MYO5B: variants seen among roughly 807,000 people sequenced by gnomAD.
The protein encoded by MYO5B is myosin VB.
MYO5B carries 143 observed loss-of-function variants against 229.3 expected under a neutral mutation model. The ratio of observed to expected loss-of-function variants is 0.62; its 90% confidence interval spans 0.54 to 0.72. The LOEUF (loss-of-function observed/expected upper bound fraction) is 0.72, where lower values mean the gene tolerates loss of function less well. MYO5B is among the 30% of genes least tolerant of loss of function. The probability of loss-of-function intolerance (pLI) is 0.00; values close to 1 mark genes in which losing one functional copy is unlikely to be tolerated. For missense variants in MYO5B, 2,321 were observed against 2,331.0 expected, an observed-to-expected ratio of 1.00 and a Z score of 0.09; for synonymous variants, 918 against 885.2, an observed-to-expected ratio of 1.04 and a Z score of -0.66.
chr18:49,960,640 C>T (rs1379098603), intron 12 of MYO5B, among the ~76,000 whole-genome samples: 7 of 152,162 alleles, frequency 4.6e-5, no homozygotes, highest in African/African-American at 1.2e-4. Flanking sequence ...AACAATTAAA[C>T]CTGTTACAAA....
chr18:49,897,644 T>C (rs1403463774), intron 21 of MYO5B, among the ~76,000 whole-genome samples: 1 of 152,220 alleles, frequency 6.6e-6, no homozygotes, highest in Non-Finnish European at 1.5e-5. Context: ...TTGTACATGT[T>C]TGTGTTTTAA....
chr18:49,839,768 G>A, intron 35 of MYO5B: 1 of 221,028 alleles, frequency 4.5e-6, no homozygotes, highest in East Asian at 1.0e-4. Context: ...ATTAATAGAT[G>A]AACTAAAGTG....
intron 1 of MYO5B, among the ~76,000 whole-genome samples, chr18:50,106,289 ACATCAACG>A (rs1230171968): frequency 1.3e-5 from 2 of 152,162 alleles, no homozygotes; most frequent in African/African-American, 4.8e-5. Context: ...GTATGACCCC[ACATCAACG>A]CATTCTCCTT....
chr18:50,192,878 G>T (rs1377312250), intron 1 of MYO5B, among the ~76,000 whole-genome samples: 2 of 152,186 alleles, frequency 1.3e-5, no homozygotes, highest in African/African-American at 4.8e-5. Context: ...AAACTGTGTT[G>T]AGAAATAAAG....
At chr18:49,953,702 A>G (rs1031689067) in intron 13 of MYO5B, among the ~76,000 whole-genome samples, 3 of 152,212 alleles carry the variant, frequency 2.0e-5, no homozygotes, top group Non-Finnish European at 4.4e-5. Flanking sequence ...GAGCTAGTGC[A>G]TAGCAAACAG....
At chr18:50,105,743 A>T (rs1325081164) in intron 1 of MYO5B, among the ~76,000 whole-genome samples, 4 of 152,134 alleles carry the variant, frequency 2.6e-5, no homozygotes, top group Non-Finnish European at 5.9e-5. Context: ...CTGCTCTAGA[A>T]CATCAAAGCA....
At chr18:49,861,934 G>T (rs186466115) in intron 29 of MYO5B, among the ~76,000 whole-genome samples, 4 of 151,474 alleles carry the variant, frequency 2.6e-5, no homozygotes, top group Non-Finnish European at 5.9e-5. Context: ...ACAAATACTT[G>T]ATCAACATTC....
intron 32 of MYO5B, 27 bp from the exon 33 acceptor site, chr18:49,847,316 T>C (rs775126245): frequency 1.9e-6 from 3 of 1,609,858 alleles, no homozygotes; most frequent in Admixed American, 1.7e-5. Context: ...ACAGGAAGCA[T>C]GGATGAGACT....
chr18:50,180,411 C>G (rs1419309570), intron 1 of MYO5B, among the ~76,000 whole-genome samples: 3 of 152,170 alleles, frequency 2.0e-5, no homozygotes, highest in African/African-American at 7.2e-5. Flanking sequence ...GAGGTTATGC[C>G]TAAGATTACA....
intron 27 of MYO5B, among the ~76,000 whole-genome samples, chr18:49,867,118 C>T (rs1009383982): frequency 6.6e-6 from 1 of 152,282 alleles, no homozygotes; most frequent in African/African-American, 2.4e-5. Context: ...CATCGCAGAG[C>T]TTCAGAAGGG....
chr18:50,072,379 T>A (rs1004045769), intron 1 of MYO5B, among the ~76,000 whole-genome samples: 2 of 152,196 alleles, frequency 1.3e-5, no homozygotes, highest in African/African-American at 4.8e-5. Flanking sequence ...GCCCCATTTA[T>A]GTGGGAGAGA....
At chr18:49,904,850 G>T (rs750228035) in intron 19 of MYO5B, 22 bp from the exon 20 acceptor site, 2 of 1,612,276 alleles carry the variant, frequency 1.2e-6, no homozygotes, top group South Asian at 2.2e-5. Context: ...GAGGAAACAG[G>T]CAGTGTCAGG....
rs567083385 is a variant in MYO5B, at chr18:50,001,334, C to T, written c.533G>A (p.Arg178His). Residue 178 changes from arginine to histidine, a missense_variant, in exon 5 of 40, where the codon CGC becomes CAC. By Grantham distance (29) the Arg-to-His change is conservative. This residue lies in a region of MYO5B where 2,113 missense variants were observed against 2,044.7 expected (regional missense o/e 1.03). Coordinates refer to ENST00000285039, the MANE Select transcript of MYO5B (RefSeq NM_001080467.3). ...GKTVSAKYAM[R>H]YFATVGGSAS... ...CGAGCCACCAACGGTGGCGAAATAG[C>T]GCATGGCATACTTGGCTGATACCGT... 29 of 1,614,176 alleles carry T rather than the reference C, an allele frequency of 1.8e-5. No homozygotes were observed. The East Asian group carries it at 4.2e-4, about 24-fold the overall frequency.
chr18:49,959,487 G>A (rs534490259), intron 12 of MYO5B, among the ~76,000 whole-genome samples: 1 of 152,324 alleles, frequency 6.6e-6, no homozygotes, highest in Admixed American at 6.5e-5. Context: ...ACAGCAGGCT[G>A]GGCCAGGTGA....
chr18:49,990,566 C>A (rs7234247), intron 6 of MYO5B, 46 bp from the exon 7 acceptor site: 9 of 1,504,616 alleles, frequency 6.0e-6, no homozygotes, highest in Middle Eastern at 1.7e-4. Flanking sequence ...TGACCTCTAA[C>A]ATCGTTCCCT....
intron 1 of MYO5B, among the ~76,000 whole-genome samples, chr18:50,081,100 C>T (rs2031209622): frequency 6.6e-6 from 1 of 152,198 alleles, no homozygotes; most frequent in Admixed American, 6.5e-5. Context: ...AAAGCATCTG[C>T]TCTGTTTTCT....
chr18:49,999,369 C>T (rs2026022108), intron 5 of MYO5B, among the ~76,000 whole-genome samples: 1 of 152,246 alleles, frequency 6.6e-6, no homozygotes, highest in Non-Finnish European at 1.5e-5. Context: ...GCCAAGGCCA[C>T]AGTCCACAAA....
chr18:50,067,455 T>C (rs1010699296), intron 1 of MYO5B, among the ~76,000 whole-genome samples: 1 of 152,176 alleles, frequency 6.6e-6, no homozygotes, highest in African/African-American at 2.4e-5. Flanking sequence ...CAGTTACCAT[T>C]GCTACTGCTA....
In MYO5B at chr18:49,880,447, T is replaced by C. The variant is rs373093162; in HGVS notation, c.3054A>G (p.Ala1018=). 7 of 1,613,816 alleles carry C rather than the reference T, an allele frequency of 4.3e-6. No individual in the cohort carries two copies. Among genetic ancestry groups the C allele is most frequent in the Non-Finnish European group, 5.9e-6 (7 of 1,179,802 alleles). The change falls in exon 23 of 40, where the codon GCA becomes GCG. Residue 1018 remains alanine (A), a synonymous_variant. Coordinates refer to ENST00000285039, the MANE Select transcript of MYO5B (RefSeq NM_001080467.3). ...REKDELRKRV[A]DLEQENALLK... ...AGAGAGCATTTTCTTGCTCCAGGTC[T>C]GCAACTCGCTGGAAGAGAGCAATAG...
Sources: gnomAD v4.1 joint callset for allele counts (sites outside exome capture counted in the v4.1 genomes callset) on GRCh38, gnomAD v4.1.1 for gene constraint, gnomAD v4.1.1 regional missense constraint, MANE v1.5 for transcripts, NCBI Gene and HGNC (gene_info 2026-07-23, HGNC 2026-07-21) for gene names.